Variants in EPN1 observed in about 807,000 individuals in gnomAD.
EPN1 encodes epsin-1.
Under a neutral mutation model 56.9 loss-of-function variants are expected in EPN1, and 25 were observed. That is an observed-to-expected ratio of 0.44 (90% confidence interval 0.32 to 0.61). The LOEUF is 0.61. Ranked by LOEUF, EPN1 falls within the 20% of genes least tolerant of loss-of-function variation. EPN1 has a pLI of 0.05. For synonymous variants in EPN1, 411 were observed against 361.8 expected, an observed-to-expected ratio of 1.14 and a Z score of -1.54; for missense variants, 785 against 823.7, an observed-to-expected ratio of 0.95 and a Z score of 0.58.
In EPN1 at chr19:55,695,751, T is replaced by G; in HGVS notation, c.*395T>G. The G allele has an allele frequency of 2.2e-5, 4 of 184,920 alleles. No individual in the cohort carries two copies. The highest frequency in any genetic ancestry group is 4.5e-5 in the Non-Finnish European group (4 of 89,136). The allele number at this position is 184,920 out of a possible 1,614,324, so 11.5% of individuals were successfully genotyped here. On this transcript the variant is annotated 3_prime_UTR_variant, in exon 11 of 11. Transcript: ENST00000270460. This position sits in a 1 kb window ranked among gnomAD's most constrained non-coding sequence, Gnocchi z 4.4. ...TGGCAACTTTGGGAATAAATGGCAA[T>G]TCCCACGGGCTTGGCACTCCCAGAT...
chr19:55,691,652 A>G lies in EPN1; in HGVS notation c.763-102A>G. On this transcript the variant is annotated intron_variant, in intron 6 of 10. Transcript: ENST00000270460. This position sits in a 1 kb window ranked among gnomAD's most constrained non-coding sequence, Gnocchi z 5.6. ...CCTTATGGATGGCTGCTGTCTGGAC[A>G]CCCAGGGCCTGGCCGCCTCCCCCGC... 1.0e-6 allele frequency: 1 copy of G among 981,684 alleles called. No homozygotes were observed. The allele number at this position is 981,684 out of a possible 1,614,324, so 60.8% of individuals were successfully genotyped here. A position where few individuals can be genotyped will look rare whatever the true frequency, so the allele number is the denominator to read the frequency against.
Position 55,689,006 on chromosome 19 carries a change from G to A in EPN1, c.603+12G>A, listed in dbSNP as rs1347065077. 1 of 1,584,406 alleles carries A rather than the reference G, an allele frequency of 6.3e-7. No homozygotes were observed. The highest frequency in any genetic ancestry group is 1.1e-5 in the South Asian group (1 of 88,710). ...AGGAGGCCGACCAGGTACTGGGCGT[G>A]CAGCTGGGGCTGTCTGTCCGCCACC... On this transcript the variant is annotated intron_variant, in intron 4 of 10. Transcript: ENST00000270460. This position sits in a 1 kb window ranked among gnomAD's most constrained non-coding sequence, Gnocchi z 5.7.
chr19:55,683,738 A>G (rs1260783562), intron 2 of EPN1, among the ~76,000 whole-genome samples: 1 of 152,206 alleles, frequency 6.6e-6, no homozygotes, highest in African/African-American at 2.4e-5. Context: ...GTGCGTGGGT[A>G]TTCGCACTAT....
In EPN1 at chr19:55,705,811, A is replaced by ATATATG. The variant is rs1555793011; in HGVS notation, c.*10460_*10461insGTATAT. ...GCTGGAATATTTGTTGTTGTGGGAT[A>ATATATG]TATATATATATATATATTTAGAGTG... On this transcript the variant is annotated 3_prime_UTR_variant, in exon 11 of 11. Transcript: ENST00000270460. 3 of 99,564 alleles carry ATATATG rather than the reference A, an allele frequency of 3.0e-5. No homozygotes were observed. The highest frequency in any genetic ancestry group is 1.0e-4 in the African/African-American group (3 of 29,144). The allele number at this position is 99,564 out of a possible 1,614,324, so 6.2% of individuals were successfully genotyped here.
chr19:55,695,182 C>G lies in EPN1; in HGVS notation c.1557C>G (p.Pro519=), dbSNP rs1033392601. ...CCACTGGCCCTTCCGTCACCAACCC[C>G]TTCCAGCCCGCGCCTCCCGCGACGC... The part of the protein sequence containing the change: ...GPATGPSVTN[P]FQPAPPATLT... The change falls in exon 11 of 11, where the codon CCC becomes CCG. Residue 519 remains proline, a synonymous_variant. Transcript: ENST00000270460. The surrounding 1 kb of genome is among the most constrained non-coding windows in gnomAD (Gnocchi z 4.4). 1.2e-6 allele frequency: 2 copies of G among 1,613,828 alleles called. No homozygotes were observed. Among genetic ancestry groups the G allele is most frequent in the African/African-American group, 1.3e-5 (1 of 75,064 alleles).
chr19:55,692,958 G>C lies in EPN1; in HGVS notation c.1185G>C (p.Gly395=), dbSNP rs767394810. ...KPSTNGTTAA[G]GFDTEPDEFS... Reference sequence around the variant, plus strand: ...AACATCCTGACCCCACAGCAGCCGGGGGATTCGACACGGAGCCCGACGAGT... The same window carrying C: ...AACATCCTGACCCCACAGCAGCCGGCGGATTCGACACGGAGCCCGACGAGT... Residue 395 remains glycine (G), a synonymous_variant, in exon 9 of 11, where the codon GGG becomes GGC. Transcript: ENST00000270460. 6.2e-7 allele frequency: 1 copy of C among 1,613,498 alleles called. No individual in the cohort carries two copies. Among genetic ancestry groups the C allele is most frequent in the South Asian group, 1.1e-5 (1 of 91,082 alleles).
intron 3 of EPN1, among the ~76,000 whole-genome samples, chr19:55,687,657 G>GC (rs1342177525): frequency 2.0e-5 from 3 of 152,078 alleles, no homozygotes; most frequent in Non-Finnish European, 4.4e-5. Context: ...CCTCACCTGT[G>GC]CCCCACGCTG....
At position 55,689,912 on chromosome 19, in the gene EPN1, A is replaced by C. The variant is rs1448552811; in HGVS notation, c.724A>C (p.Ile242Leu). ...GGATGACCTGCGGCTGCAGATGGCA[A>C]TCGAGGAGAGCAAGAGGGAGACTGG... ...RGDDLRLQMAIEESKRETGGK... is the reference protein window; with the variant it reads ...RGDDLRLQMALEESKRETGGK... Residue 242 changes from isoleucine (I) to leucine (L), a missense_variant, in exon 6 of 11, where the codon ATC (isoleucine) becomes CTC (leucine). Around this residue, in one of 2 missense-constraint regions of EPN1, gnomAD observed 650 missense variants for 605.0 expected, o/e 1.07. Transcript: ENST00000270460. This position sits in a 1 kb window ranked among gnomAD's most constrained non-coding sequence, Gnocchi z 5.7. 6.2e-7 allele frequency: 1 copy of C among 1,606,430 alleles called. No individual in the cohort carries two copies. Among genetic ancestry groups the C allele is most frequent in the African/African-American group, 1.3e-5 (1 of 74,844 alleles).
rs527891039 is a variant in EPN1, at chr19:55,688,875, T to G, written c.484T>G (p.Ser162Ala). ...GTTTCTCACCCGCCCTCCAGCCTCA[T>G]CAGCAGCTGTGGGCTCAGGCCCCCC... ...EKLAQTATAS[S>A]AAVGSGPPPE... Residue 162 changes from serine to alanine, a missense_variant, in exon 4 of 11, where the codon TCA (serine) becomes GCA (alanine). By Grantham distance (99) the Ser-to-Ala change is moderately conservative. Transcript: ENST00000270460. 5.1e-6 allele frequency: 8 copies of G among 1,577,442 alleles called. No homozygotes were observed. The highest frequency in any genetic ancestry group is 2.7e-5 in the African/African-American group (2 of 74,310).
intron 3 of EPN1, 94 bp downstream of exon 3, chr19:55,685,739 C>A (rs1014374212): frequency 1.4e-6 from 2 of 1,452,316 alleles, no homozygotes; most frequent in African/African-American, 1.4e-5. Flanking sequence ...TCTCTCCCAG[C>A]CAGGAGGGAC....
Position 55,691,537 on chromosome 19 carries a change from G to A in EPN1, c.763-217G>A, listed in dbSNP as rs1219870706. ...GTTGGGGCTCCCTGGTGGTACCCTCGGGTGGGGTAGGTGGGCAGGGGTGGG... is the reference window on the plus strand; with the variant it reads ...GTTGGGGCTCCCTGGTGGTACCCTCAGGTGGGGTAGGTGGGCAGGGGTGGG... On this transcript the variant is annotated intron_variant, in intron 6 of 10. Transcript: ENST00000270460. This position sits in a 1 kb window ranked among gnomAD's most constrained non-coding sequence, Gnocchi z 5.6. Among the ~76,000 whole-genome samples, 1 of 151,964 alleles carries A rather than the reference G, an allele frequency of 6.6e-6. No individual in the cohort carries two copies. Among genetic ancestry groups the A allele is most frequent in the East Asian group, 1.9e-4 (1 of 5,176 alleles).
Position 55,685,654 on chromosome 19 carries a change from C to G in EPN1, c.478+9C>G. 2 of 1,586,364 alleles carry G rather than the reference C, an allele frequency of 1.3e-6. No homozygotes were observed. Among genetic ancestry groups the G allele is most frequent in the Non-Finnish European group, 1.7e-6 (2 of 1,169,216 alleles). ...GGCACAGACCGCCACGGGTGAGTCC[C>G]TCCCTGCGGCCCCTGACGGCCTAGA... On this transcript the variant is annotated intron_variant, in intron 3 of 10. Coordinates refer to ENST00000270460, the MANE Select transcript of EPN1 (RefSeq NM_001130072.2).
chr19:55,677,750 C>T (rs1169806016), intron 1 of EPN1: 1 of 1,524,212 alleles, frequency 6.6e-7, no homozygotes, highest in African/African-American at 1.4e-5. Flanking sequence ...TTCCCTGCTC[C>T]TGCCTCTGTC....
chr19:55,702,496 T>C lies in EPN1; in HGVS notation c.*7140T>C, dbSNP rs1034244397. The stretch of plus-strand genomic sequence containing the variant: ...ACTGGGGCCCATCTATGTATGTGGC[T>C]TGGTGATTACCCAGGAACCTCCCAA... On this transcript the variant is annotated 3_prime_UTR_variant, in exon 11 of 11. Transcript: ENST00000270460. The C allele has an allele frequency of 6.6e-6, 1 of 152,248 alleles. No individual in the cohort carries two copies. The highest frequency in any genetic ancestry group is 1.5e-5 in the Non-Finnish European group (1 of 68,052). The allele number at this position is 152,248 out of a possible 1,614,324, so 9.4% of individuals were successfully genotyped here.
chr19:55,705,307 A>T lies in EPN1; in HGVS notation c.*9951A>T, dbSNP rs1377463535. ...TTGCCTACGGAAACACACAAAAACGAAAACAAACCAATGAAAAAAACCTCT... is the reference window on the plus strand; with the variant it reads ...TTGCCTACGGAAACACACAAAAACGTAAACAAACCAATGAAAAAAACCTCT... On this transcript the variant is annotated 3_prime_UTR_variant, in exon 11 of 11. Coordinates refer to ENST00000270460, the MANE Select transcript of EPN1 (RefSeq NM_001130072.2). 1 of 152,220 alleles carries T rather than the reference A, an allele frequency of 6.6e-6. No homozygotes were observed. Among genetic ancestry groups the T allele is most frequent in the African/African-American group, 2.4e-5 (1 of 41,458 alleles). 9.4% of individuals were successfully genotyped at this position (152,220 alleles called of 1,614,324 possible). A position where few individuals can be genotyped will look rare whatever the true frequency, so the allele number is the denominator to read the frequency against.
rs1291811585 is a variant in EPN1 at position 55,697,888 on chromosome 19, G to C, written c.*2532G>C. On this transcript the variant is annotated 3_prime_UTR_variant, in exon 11 of 11. Coordinates refer to ENST00000270460, the MANE Select transcript of EPN1 (RefSeq NM_001130072.2). ...GTATCACTCTTTCTACAGCAGATGTGTCTCTCTCCCCACAGTGGGATGGCG... is the reference window on the plus strand; with the variant it reads ...GTATCACTCTTTCTACAGCAGATGTCTCTCTCTCCCCACAGTGGGATGGCG... 1 of 152,144 alleles carries C rather than the reference G, an allele frequency of 6.6e-6. No homozygotes were observed. The highest frequency in any genetic ancestry group is 1.9e-4 in the East Asian group (1 of 5,188). The allele number at this position is 152,144 out of a possible 1,614,324, so 9.4% of individuals were successfully genotyped here.
Position 55,694,304 on chromosome 19 carries a change from C to T in EPN1, c.1265-422C>T. 5.7e-6 allele frequency: 1 copy of T among 174,098 alleles called. No homozygotes were observed. The highest frequency in any genetic ancestry group is 2.4e-5 in the African/African-American group (1 of 42,294). 10.8% of individuals were successfully genotyped at this position (174,098 alleles called of 1,614,324 possible). A position where few individuals can be genotyped will look rare whatever the true frequency, so the allele number is the denominator to read the frequency against. ...CGCTGGCCCGGAACACGTGTCTGTG[C>T]TGTCTGTCCACTTGGAAGCTCCCTC... On this transcript the variant is annotated intron_variant, in intron 9 of 10. Coordinates refer to ENST00000270460, the MANE Select transcript of EPN1 (RefSeq NM_001130072.2). The surrounding 1 kb of genome is among the most constrained non-coding windows in gnomAD (Gnocchi z 4.2).
At chr19:55,685,782 G>A in intron 3 of EPN1, 137 bp downstream of exon 3, 1 of 1,177,680 alleles carries the variant, frequency 8.5e-7, no homozygotes, top group Non-Finnish European at 1.2e-6. Flanking sequence ...CCTCACCTGG[G>A]CCCCTTGCTC....
intron 2 of EPN1, among the ~76,000 whole-genome samples, chr19:55,680,981 T>C (rs989290809): frequency 6.6e-6 from 1 of 152,188 alleles, no homozygotes; most frequent in Non-Finnish European, 1.5e-5. Flanking sequence ...CTTTCCACTT[T>C]GATGGATGGG....
Sources: allele counts gnomAD v4.1 joint callset (sites outside exome capture counted in the v4.1 genomes callset), GRCh38; gene constraint gnomAD v4.1.1; regional missense constraint gnomAD v4.1.1; non-coding constraint Gnocchi (gnomAD v3.1); transcripts MANE v1.5; gene names NCBI Gene and HGNC (gene_info 2026-07-23, HGNC 2026-07-21).